PSD3: variants seen among roughly 807,000 people sequenced by gnomAD.
PSD3 encodes PH and SEC7 domain-containing protein 3.
In PSD3, 49 loss-of-function variants were observed where a neutral mutation model predicts 105.5. That is an observed-to-expected ratio of 0.46 (90% CI 0.37 to 0.59). The LOEUF is 0.59. PSD3 is among the 20% of genes least tolerant of loss of function. PSD3 has a pLI of 0.00. For synonymous variants in PSD3, 557 were observed against 457.8 expected (o/e 1.22, Z -2.77); for missense variants, 1,561 against 1,263.8 (o/e 1.24, Z -3.57).
chr8:18,814,281 T>C (rs998364040), intron 4 of PSD3, among the ~76,000 whole-genome samples: 3 of 152,148 alleles, frequency 2.0e-5, no homozygotes, highest in Admixed American at 6.5e-5. Flanking sequence ...CAAATCTCAG[T>C]CCTTTTTCTC....
Position 18,804,863 on chromosome 8 carries a change from T to C in PSD3, c.1670A>G (p.His557Arg). 1 of 1,613,058 alleles carries C rather than the reference T, an allele frequency of 6.2e-7. No individual in the cohort carries two copies. Among genetic ancestry groups the C allele is most frequent in the Non-Finnish European group, 8.5e-7 (1 of 1,179,024 alleles). Residue 557 changes from histidine to arginine, a missense_variant, in exon 5 of 16, where the codon CAT becomes CGT. Coordinates refer to ENST00000327040, the MANE Select transcript of PSD3 (RefSeq NM_015310.4). ...AATTTCAGTGCTCCCCATTTCAGAA[T>C]GAGCTTCTAGCCGTGTTGTTTTCAC... The part of the protein sequence containing the change: ...AGVKTTRLEA[H>R]SEMGSTEILE...
intron 1 of PSD3, among the ~76,000 whole-genome samples, chr8:18,964,107 G>A (rs1038825748): frequency 6.6e-6 from 1 of 152,030 alleles, no homozygotes; most frequent in Non-Finnish European, 1.5e-5. Flanking sequence ...TAAATCTAAT[G>A]AATAACTCGG....
intron 9 of PSD3, among the ~76,000 whole-genome samples, chr8:18,692,625 T>G (rs923049356): frequency 6.6e-6 from 1 of 152,180 alleles, no homozygotes; most frequent in East Asian, 1.9e-4. Context: ...GATGAAAAGC[T>G]ATCAAAGGGA....
intron 1 of PSD3, among the ~76,000 whole-genome samples, chr8:19,040,418 C>T (rs1213972637): frequency 2.0e-5 from 3 of 152,074 alleles, no homozygotes; most frequent in African/African-American, 7.2e-5. Flanking sequence ...GTTGCCCAGG[C>T]TGGTCTCGAA....
In PSD3 at chr8:18,824,764, C is replaced by T. The variant is rs181549156; in HGVS notation, c.1635-19866G>A. 2.5e-3 allele frequency among the ~76,000 whole-genome samples: 383 copies of T among 152,084 alleles called. 3 individuals are homozygous for T. Among genetic ancestry groups the T allele is most frequent in the African/African-American group, 3.7e-3 (154 of 41,464 alleles). On this transcript the variant is annotated intron_variant, in intron 4 of 15. Transcript: ENST00000327040. ...AGATGGCTTTGTCAACACCTGACTG[C>T]GATACAGATAACTAGAAGAGTCAAA...
intron 9 of PSD3, among the ~76,000 whole-genome samples, chr8:18,758,464 C>T (rs7001013): frequency 0.27 from 40,915 of 149,650 alleles, 7,784 homozygotes; most frequent in African/African-American, 0.51. Context: ...GCTGTCACTC[C>T]GTGTGAACAG....
At chr8:18,616,692 C>T (rs1027773762) in intron 11 of PSD3, among the ~76,000 whole-genome samples, 6 of 138,082 alleles carry the variant, frequency 4.3e-5, no homozygotes, top group Non-Finnish European at 6.2e-5. Context: ...GGCGGGATCT[C>T]GGCTCACTGC....
chr8:18,657,077 C>T lies in PSD3; in HGVS notation c.2173-1392G>A, dbSNP rs188196658. Reference sequence around the variant, plus strand: ...GAAGGCTTAGCCAAGACTTCATTTACTCTGAGATAGAAAAAAGGGGGATCA... The same window carrying T: ...GAAGGCTTAGCCAAGACTTCATTTATTCTGAGATAGAAAAAAGGGGGATCA... On this transcript the variant is annotated intron_variant, in intron 9 of 15. Transcript: ENST00000327040. 8.5e-5 allele frequency among the ~76,000 whole-genome samples: 13 copies of T among 152,270 alleles called. No homozygotes were observed. In the East Asian group the frequency reaches 2.1e-3, roughly 25 times the overall value.
intron 11 of PSD3, among the ~76,000 whole-genome samples, chr8:18,616,790 A>AT (rs1449677942): frequency 4.0e-5 from 6 of 150,498 alleles, no homozygotes; most frequent in East Asian, 2.0e-4. Context: ...CGCCCGGCTC[A>AT]TTTTTTGTAT....
At chr8:18,578,252 C>A (rs1049258861) in intron 12 of PSD3, among the ~76,000 whole-genome samples, 1 of 152,048 alleles carries the variant, frequency 6.6e-6, no homozygotes, top group African/African-American at 2.4e-5. Flanking sequence ...ACTAAAAAGT[C>A]CCACCCTTAT....
chr8:18,570,609 T>C (rs6988278), intron 14 of PSD3, among the ~76,000 whole-genome samples: 138,281 of 144,314 alleles, frequency 0.96, 66,293 homozygotes, highest in Middle Eastern at 0.97. Context: ...CTACAATGAA[T>C]TCAAACAAAT....
chr8:19,030,639 A>C (rs1827733165), intron 1 of PSD3, among the ~76,000 whole-genome samples: 1 of 152,152 alleles, frequency 6.6e-6, no homozygotes, highest in African/African-American at 2.4e-5. Context: ...CTAGAAGCCA[A>C]GCAGCTGCCA....
chr8:18,591,648 T>A (rs901809544), intron 12 of PSD3, among the ~76,000 whole-genome samples: 1 of 152,100 alleles, frequency 6.6e-6, no homozygotes, highest in African/African-American at 2.4e-5. Context: ...GCTGGCACAC[T>A]TAGTGTACTT....
chr8:18,810,415 A>G (rs922710659), intron 4 of PSD3, among the ~76,000 whole-genome samples: 1 of 152,216 alleles, frequency 6.6e-6, no homozygotes, highest in African/African-American at 2.4e-5. Context: ...TCAGTAGAAT[A>G]CTATTGCCTG....
At chr8:18,584,100 AG>A (rs1267250714) in intron 12 of PSD3, among the ~76,000 whole-genome samples, 1 of 152,188 alleles carries the variant, frequency 6.6e-6, no homozygotes. Context: ...GACCTGAAAA[AG>A]GTCTATGTTA....
chr8:18,739,541 C>T (rs1057162334), intron 9 of PSD3, among the ~76,000 whole-genome samples: 31 of 152,036 alleles, frequency 2.0e-4, no homozygotes, highest in Non-Finnish European at 4.1e-4. Context: ...TTCTAATTTC[C>T]ATTTTTCATG....
At chr8:19,048,433 T>C (rs1828401017) in intron 1 of PSD3, among the ~76,000 whole-genome samples, 1 of 152,232 alleles carries the variant, frequency 6.6e-6, no homozygotes, top group African/African-American at 2.4e-5. Context: ...GTAAAAACCA[T>C]TAAGCTTGCA....
At chr8:19,081,524 C>T (rs558979064) in intron 1 of PSD3, among the ~76,000 whole-genome samples, 1 of 152,270 alleles carries the variant, frequency 6.6e-6, no homozygotes, top group South Asian at 2.1e-4. Flanking sequence ...TGTCCTTTCA[C>T]GAGTGAAGTG....
At chr8:18,889,893 C>A (rs1192025366) in intron 2 of PSD3, among the ~76,000 whole-genome samples, 1 of 152,138 alleles carries the variant, frequency 6.6e-6, no homozygotes, top group Non-Finnish European at 1.5e-5. Context: ...TCGAAAGTCA[C>A]TAGTGCTTTC....
Sources: allele counts gnomAD v4.1 joint callset (sites outside exome capture counted in the v4.1 genomes callset), GRCh38; gene constraint gnomAD v4.1.1; transcripts MANE v1.5; gene names NCBI Gene and HGNC (gene_info 2026-07-23, HGNC 2026-07-21).